The following WDR70 variants were observed in gnomAD, a reference collection of about 807,000 sequenced individuals.
WDR70 encodes WD repeat domain 70.
Under a neutral mutation model 88.6 loss-of-function variants are expected in WDR70, and 53 were observed. The ratio of observed to expected loss-of-function variants is 0.60; its 90% CI spans 0.48 to 0.75. The LOEUF is 0.75. Among genes scored for constraint, WDR70 ranks in the 30% least tolerant of loss-of-function variants. The pLI is 0.00. For missense variants in WDR70, 610 were observed against 823.2 expected (o/e 0.74, Z 3.17); for synonymous variants, 280 against 270.0 (o/e 1.04, Z -0.36).
At chr5:37,472,761 A>G (rs1047962980) in intron 7 of WDR70, among the ~76,000 whole-genome samples, 1 of 151,996 alleles carries the variant, frequency 6.6e-6, no homozygotes, top group African/African-American at 2.4e-5. Context: ...GGCCTCCCAC[A>G]GTGCTGGGAT....
chr5:37,614,207 C>G (rs1206812757), intron 10 of WDR70, among the ~76,000 whole-genome samples: 1 of 152,140 alleles, frequency 6.6e-6, no homozygotes, highest in Admixed American at 6.6e-5. Context: ...AGAGGCCGCC[C>G]TTTTATCTTG....
chr5:37,544,366 C>T lies in WDR70; in HGVS notation c.917+27776C>T, dbSNP rs564415419. ...TTCCAGACATATTGATACAAATTAT[C>T]CTCTCTCCCCACAGTCAATAACATA... On this transcript the variant is annotated intron_variant, in intron 9 of 17. Transcript: ENST00000265107. 3.1e-3 allele frequency among the ~76,000 whole-genome samples: 475 copies of T among 152,206 alleles called. 1 individual carries two copies. Among genetic ancestry groups the T allele is most frequent in the African/African-American group, 0.011 (447 of 41,540 alleles).
chr5:37,715,207 G>C (rs933706009), intron 13 of WDR70, among the ~76,000 whole-genome samples: 1 of 151,920 alleles, frequency 6.6e-6, no homozygotes, highest in East Asian at 1.9e-4. Flanking sequence ...TCCCTTACTT[G>C]GTTTTTCTGC....
chr5:37,656,540 C>T (rs1219061647), intron 10 of WDR70, among the ~76,000 whole-genome samples: 2 of 152,112 alleles, frequency 1.3e-5, no homozygotes, highest in Admixed American at 6.5e-5. Context: ...TGAAGCTGCG[C>T]CCACAGCTGC....
chr5:37,675,726 TG>T (rs1746184491), intron 10 of WDR70, among the ~76,000 whole-genome samples: 1 of 152,166 alleles, frequency 6.6e-6, no homozygotes, highest in African/African-American at 2.4e-5. Flanking sequence ...AGTTCTGTTT[TG>T]ATTCCATATG....
At chr5:37,694,737 C>A (rs1447194766) in intron 10 of WDR70, among the ~76,000 whole-genome samples, 1 of 151,832 alleles carries the variant, frequency 6.6e-6, no homozygotes, top group Non-Finnish European at 1.5e-5. Flanking sequence ...AGGAGAAATA[C>A]CTAATGTAAA....
intron 7 of WDR70, among the ~76,000 whole-genome samples, chr5:37,461,203 A>G (rs1258096821): frequency 6.6e-6 from 1 of 152,012 alleles, no homozygotes; most frequent in Non-Finnish European, 1.5e-5. Context: ...GAAAGCTTCA[A>G]ATATTTATCT....
chr5:37,569,370 G>A (rs533486020), intron 9 of WDR70, among the ~76,000 whole-genome samples: 34 of 152,162 alleles, frequency 2.2e-4, no homozygotes, highest in South Asian at 2.1e-4. Context: ...TGCAAAATTA[G>A]TGAATCAAAC....
At chr5:37,576,438 T>C (rs193014617) in intron 9 of WDR70, among the ~76,000 whole-genome samples, 8 of 152,218 alleles carry the variant, frequency 5.3e-5, no homozygotes, top group Admixed American at 5.2e-4. Context: ...TGTATGTAAT[T>C]TGGGACCTTT....
At position 37,492,624 on chromosome 5, in the gene WDR70, G is replaced by C. The variant is rs531234050; in HGVS notation, c.840+12637G>C. Among the ~76,000 whole-genome samples the C allele has an allele frequency of 2.6e-5, 4 of 152,326 alleles. No individual in the cohort carries two copies. In the South Asian group the frequency reaches 8.3e-4, roughly 32 times the overall value. ...TGTAGGAGGGACTTGATGTCAGGGA[G>C]ATTCTCTGCTGCTGGTTTTGAAGAT... On this transcript the variant is annotated intron_variant, in intron 8 of 17. Coordinates refer to ENST00000265107, the MANE Select transcript of WDR70 (RefSeq NM_018034.4).
At chr5:37,638,977 A>G (rs541216449) in intron 10 of WDR70, among the ~76,000 whole-genome samples, 314 of 152,330 alleles carry the variant, frequency 2.1e-3, no homozygotes, top group African/African-American at 7.2e-3. Flanking sequence ...TAACTTGATT[A>G]AATAGATTTT....
At chr5:37,702,865 T>C in intron 12 of WDR70, 84 bp from the exon 13 acceptor site, 3 of 1,411,588 alleles carry the variant, frequency 2.1e-6, no homozygotes, top group Non-Finnish European at 2.9e-6. Context: ...TACAGAGATG[T>C]TTATATTTTA....
At chr5:37,686,482 C>A (rs1007128793) in intron 10 of WDR70, among the ~76,000 whole-genome samples, 3 of 151,260 alleles carry the variant, frequency 2.0e-5, no homozygotes, top group African/African-American at 4.9e-5. Flanking sequence ...AAAGTTGTTG[C>A]CAGTTAGAGC....
chr5:37,500,927 C>T (rs1340612046), intron 8 of WDR70, among the ~76,000 whole-genome samples: 1 of 151,822 alleles, frequency 6.6e-6, no homozygotes, highest in East Asian at 1.9e-4. Flanking sequence ...TTAGTAGAGA[C>T]AAGGTTTAAC....
At chr5:37,653,545 T>G (rs746620245) in intron 10 of WDR70, among the ~76,000 whole-genome samples, 4 of 152,192 alleles carry the variant, frequency 2.6e-5, no homozygotes, top group Admixed American at 2.0e-4. Flanking sequence ...TCTGGTAGAA[T>G]TCTGCTGTGA....
At chr5:37,746,217 T>G (rs1361104444) in intron 17 of WDR70, among the ~76,000 whole-genome samples, 2 of 152,230 alleles carry the variant, frequency 1.3e-5, no homozygotes, top group African/African-American at 4.8e-5. Context: ...AAAGAAGTTC[T>G]TTGAAACCAA....
In WDR70 at chr5:37,605,062, A is replaced by C; in HGVS notation, c.918-2A>C. On this transcript the variant is annotated splice_acceptor_variant, in intron 9 of 17. Coordinates refer to ENST00000265107, the MANE Select transcript of WDR70 (RefSeq NM_018034.4). LOFTEE classifies it high-confidence loss of function. ...AATGAAAAATCTCCTGATCATTTTT[A>C]GGACTGTGAGGACGTGGGAAGTTGA... The C allele has an allele frequency of 6.3e-7, 1 of 1,589,992 alleles. No homozygotes were observed. The highest frequency in any genetic ancestry group is 8.5e-7 in the Non-Finnish European group (1 of 1,169,718).
At chr5:37,488,588 T>C (rs915076417) in intron 8 of WDR70, among the ~76,000 whole-genome samples, 2 of 151,844 alleles carry the variant, frequency 1.3e-5, no homozygotes, top group Non-Finnish European at 2.9e-5. Flanking sequence ...TCTAGTCTCT[T>C]GTTGAAGCTT....
At chr5:37,529,362 A>T (rs537919953) in intron 9 of WDR70, among the ~76,000 whole-genome samples, 2 of 152,114 alleles carry the variant, frequency 1.3e-5, no homozygotes, top group East Asian at 3.9e-4. Flanking sequence ...GTGCAGAATC[A>T]TGTTGGTATT....
Sources: gnomAD v4.1 joint callset for allele counts (sites outside exome capture counted in the v4.1 genomes callset) on GRCh38, gnomAD v4.1.1 for gene constraint, MANE v1.5 for transcripts, NCBI Gene and HGNC (gene_info 2026-07-23, HGNC 2026-07-21) for gene names.